The following SUMF1 variants were observed in gnomAD, a reference collection of about 807,000 sequenced individuals.
SUMF1 encodes formylglycine-generating enzyme.
SUMF1 carries 48 observed loss-of-function variants against 47.6 expected under a neutral mutation model. The ratio of observed to expected loss-of-function variants is 1.01; its 90% CI spans 0.80 to 1.28. The LOEUF is 1.28. Among genes scored for constraint, SUMF1 ranks in the 50% most tolerant of loss-of-function variants. SUMF1 has a pLI of 0.00. For missense variants in SUMF1, 571 were observed against 485.4 expected, an observed-to-expected ratio of 1.18 and a Z score of -1.66; for synonymous variants, 230 against 192.1, an observed-to-expected ratio of 1.20 and a Z score of -1.63.
intron 8 of SUMF1, among the ~76,000 whole-genome samples, chr3:4,187,615 A>C (rs925336191): frequency 4.6e-5 from 7 of 152,200 alleles, no homozygotes; most frequent in Non-Finnish European, 8.8e-5. Flanking sequence ...TTTCCCAATA[A>C]GTGAAAAATC....
At chr3:4,357,732 C>T (rs530234964), downstream of SUMF1, among the ~76,000 whole-genome samples, 1 of 151,924 alleles carries the variant, frequency 6.6e-6, no homozygotes, top group African/African-American at 2.4e-5. Flanking sequence ...CCTCAGCCTC[C>T]AAGTAGCTGG....
chr3:4,378,699 T>C (rs1444029691), intron 7 of SUMF1, among the ~76,000 whole-genome samples: 3 of 152,210 alleles, frequency 2.0e-5, no homozygotes, highest in African/African-American at 7.2e-5. Flanking sequence ...AAAGCATTTA[T>C]AATTGTGGAA....
intron 8 of SUMF1, among the ~76,000 whole-genome samples, chr3:4,109,692 T>C (rs1574891208): frequency 6.6e-6 from 1 of 152,152 alleles, no homozygotes; most frequent in African/African-American, 2.4e-5. Context: ...CCATCACTGA[T>C]ACCCTTTCTT....
intron 8 of SUMF1, among the ~76,000 whole-genome samples, chr3:4,336,388 G>A (rs949790716): frequency 2.6e-5 from 4 of 152,148 alleles, no homozygotes; most frequent in African/African-American, 9.7e-5. Flanking sequence ...ATTGTCTCGT[G>A]CTCAGTAAAT....
chr3:4,270,203 T>C (rs575498315), intron 8 of SUMF1, among the ~76,000 whole-genome samples: 1 of 152,174 alleles, frequency 6.6e-6, no homozygotes, highest in South Asian at 2.1e-4. Context: ...GACCTTGGGC[T>C]CCTTATAAAG....
At chr3:4,227,725 T>C (rs1696205353) in intron 8 of SUMF1, among the ~76,000 whole-genome samples, 1 of 152,034 alleles carries the variant, frequency 6.6e-6, no homozygotes, top group Non-Finnish European at 1.5e-5. Flanking sequence ...CAGTGAGCCA[T>C]GGAGTTAAGA....
intron 7 of SUMF1, among the ~76,000 whole-genome samples, chr3:4,393,836 G>A (rs1224489408): frequency 1.3e-5 from 2 of 152,014 alleles, no homozygotes; most frequent in East Asian, 3.9e-4. Context: ...TTGGGTGTGT[G>A]TTTTTTCTTT....
chr3:4,185,909 G>C (rs1173090700), intron 8 of SUMF1, among the ~76,000 whole-genome samples: 1 of 152,098 alleles, frequency 6.6e-6, no homozygotes, highest in African/African-American at 2.4e-5. Context: ...GGATTAAAAA[G>C]GGGCATTCTC....
chr3:4,075,100 A>C (rs1559449084), intron 8 of SUMF1, among the ~76,000 whole-genome samples: 1 of 152,118 alleles, frequency 6.6e-6, no homozygotes, highest in Non-Finnish European at 1.5e-5. Flanking sequence ...TCCTCAATAA[A>C]ATACTGGCAA....
intron 8 of SUMF1, among the ~76,000 whole-genome samples, chr3:4,288,403 G>A (rs564047762): frequency 1.1e-4 from 17 of 152,066 alleles, no homozygotes; most frequent in African/African-American, 4.1e-4. Context: ...TTGGATAGAT[G>A]TAAAAGCATT....
At chr3:4,331,681 T>C (rs1211098536) in intron 8 of SUMF1, among the ~76,000 whole-genome samples, 1 of 152,042 alleles carries the variant, frequency 6.6e-6, no homozygotes, top group Non-Finnish European at 1.5e-5. Context: ...ATACAAAATA[T>C]TAGCTTGGCG....
rs755598791 is a variant in SUMF1, at chr3:4,254,027, T to C, written c.1014+122303A>G. On this transcript the variant is annotated intron_variant and NMD_transcript_variant, in intron 8 of 12. Coordinates refer to the SUMF1 transcript ENST00000448413. The stretch of plus-strand genomic sequence containing the variant: ...CACTGACACCACACACAGCAGGGTA[T>C]TCCAACAGACCTGCAGCTGAGGGTC... 8.3e-3 allele frequency among the ~76,000 whole-genome samples: 1,244 copies of C among 149,682 alleles called. 29 individuals are homozygous for C. Among genetic ancestry groups the C allele is most frequent in the Non-Finnish European group, 8.3e-3 (561 of 67,258 alleles).
intron 1 of SUMF1, among the ~76,000 whole-genome samples, chr3:4,463,025 A>C (rs1372578432): frequency 6.6e-6 from 1 of 152,222 alleles, no homozygotes; most frequent in African/African-American, 2.4e-5. Context: ...AAAGTATGTG[A>C]CCTTCTCTAT....
chr3:4,048,224 C>T (rs1282893719), intron 9 of SUMF1, among the ~76,000 whole-genome samples: 1 of 152,092 alleles, frequency 6.6e-6, no homozygotes, highest in African/African-American at 2.4e-5. Context: ...CCCAGAAAGA[C>T]CCATACTCGC....
At chr3:4,345,404 T>G (rs1377346230) in intron 8 of SUMF1, among the ~76,000 whole-genome samples, 1 of 152,164 alleles carries the variant, frequency 6.6e-6, no homozygotes, top group East Asian at 1.9e-4. Context: ...AAAAGAATTT[T>G]CAACCCAGAA....
rs539085559 is a variant in SUMF1 at position 4,040,165 on chromosome 3, T to C, written c.1191+28404A>G. On this transcript the variant is annotated intron_variant and NMD_transcript_variant, in intron 9 of 12. Transcript: ENST00000448413. Reference sequence around the variant, plus strand: ...GGTCACATTTCACAATCTGGAAATATATCAAAACATCATTTTGTACTCCTT... The same window carrying C: ...GGTCACATTTCACAATCTGGAAATACATCAAAACATCATTTTGTACTCCTT... Among the ~76,000 whole-genome samples, 5 of 152,314 alleles carry C rather than the reference T, an allele frequency of 3.3e-5. No homozygotes were observed. In the South Asian group the frequency reaches 1.0e-3, roughly 32 times the overall value.
intron 1 of SUMF1, among the ~76,000 whole-genome samples, chr3:4,460,228 T>C (rs2079772926): frequency 6.6e-6 from 1 of 152,196 alleles, no homozygotes; most frequent in Admixed American, 6.5e-5. Context: ...TGAGGAAATA[T>C]ATAAGAAATG....
At chr3:4,237,417 G>A (rs1696433868) in intron 8 of SUMF1, among the ~76,000 whole-genome samples, 1 of 151,952 alleles carries the variant, frequency 6.6e-6, no homozygotes, top group Non-Finnish European at 1.5e-5. Context: ...TTTGTCACTT[G>A]TATACCTTCT....
At chr3:4,142,984 T>G (rs1694105769) in intron 8 of SUMF1, among the ~76,000 whole-genome samples, 1 of 152,052 alleles carries the variant, frequency 6.6e-6, no homozygotes, top group Non-Finnish European at 1.5e-5. Flanking sequence ...GTGAAAGCAG[T>G]CACCTCCAAG....
Sources: gnomAD v4.1 joint callset for allele counts (sites outside exome capture counted in the v4.1 genomes callset) on GRCh38, gnomAD v4.1.1 for gene constraint, MANE v1.5 for transcripts, NCBI Gene and HGNC (gene_info 2026-07-23, HGNC 2026-07-21) for gene names.